TRIO: variants seen among roughly 807,000 people sequenced by gnomAD.
TRIO encodes the protein triple functional domain protein.
A neutral mutation model predicts 351.9 loss-of-function variants in TRIO; 58 were observed. The ratio of observed to expected loss-of-function variants is 0.16; its 90% CI spans 0.13 to 0.21. The LOEUF is 0.21. Among genes scored for constraint, TRIO ranks in the 10% least tolerant of loss-of-function variants. The probability of loss-of-function intolerance (pLI) is 1.00; values close to 1 mark genes in which losing one functional copy is unlikely to be tolerated. For missense variants in TRIO, 3,201 were observed against 4,027.8 expected, an observed-to-expected ratio of 0.79 and a Z score of 5.56; for synonymous variants, 1,758 against 1,595.7, an observed-to-expected ratio of 1.10 and a Z score of -2.42.
intron 1 of TRIO, among the ~76,000 whole-genome samples, chr5:14,166,295 G>A (rs919148082): frequency 4.6e-5 from 7 of 152,144 alleles, no homozygotes; most frequent in South Asian, 4.1e-4. Context: ...TCTCTCAGTC[G>A]TCCCGTCACT....
In TRIO at chr5:14,366,321, T is replaced by G. The variant is rs369082192; in HGVS notation, c.2755-539T>G. On this transcript the variant is annotated intron_variant, in intron 15 of 56. Coordinates refer to ENST00000344204, the MANE Select transcript of TRIO (RefSeq NM_007118.4). ...ACTGTTAGAATTTACTTCCTCTGAG[T>G]GTGTGTGCAGTTGAGAAGCTCATGG... Among the ~76,000 whole-genome samples the G allele has an allele frequency of 1.1e-4, 17 of 152,152 alleles. No individual in the cohort carries two copies. In the South Asian group the frequency reaches 3.1e-3, roughly 28 times the overall value.
chr5:14,441,003 C>CGG (rs776828182), intron 34 of TRIO: 22 of 151,276 alleles, frequency 1.5e-4, no homozygotes, highest in African/African-American at 5.1e-4. Flanking sequence ...CCAACTGCAG[C>CGG]GCGCGCGCGC....
At chr5:14,219,519 C>T (rs1211491957) in intron 1 of TRIO, among the ~76,000 whole-genome samples, 1 of 152,180 alleles carries the variant, frequency 6.6e-6, no homozygotes, top group African/African-American at 2.4e-5. Flanking sequence ...TGTTTCTGGC[C>T]GGAGTCATAG....
intron 21 of TRIO, among the ~76,000 whole-genome samples, chr5:14,384,572 G>A (rs947959227): frequency 6.6e-6 from 1 of 151,504 alleles, no homozygotes; most frequent in African/African-American, 2.4e-5. Flanking sequence ...GTTTTCCAAG[G>A]TAAATGGCTT....
In TRIO at chr5:14,279,799, T is replaced by C. The variant is rs137998438; in HGVS notation, c.233-523T>C. ...GTTCTGTGTGAGAGACTGGCAAAGC[T>C]GGACCAGTGAGGGTCAGGTGCCATC... On this transcript the variant is annotated intron_variant, in intron 2 of 56. Coordinates refer to ENST00000344204, the MANE Select transcript of TRIO (RefSeq NM_007118.4). Among the ~76,000 whole-genome samples the C allele has an allele frequency of 5.6e-4, 86 of 152,384 alleles. 1 individual carries two copies. Among genetic ancestry groups the C allele is most frequent in the Middle Eastern group, 3.4e-3 (1 of 294 alleles).
chr5:14,496,960 G>T lies in TRIO; in HGVS notation c.7962G>T (p.Lys2654Asn). The T allele has an allele frequency of 6.2e-7, 1 of 1,614,250 alleles. No individual in the cohort carries two copies. The highest frequency in any genetic ancestry group is 8.5e-7 in the Non-Finnish European group (1 of 1,180,040). ...KKDKDGKREG[K>N]LENGYRKSRE... ...ATAAAGACGGCAAAAGGGAAGGCAA[G>T]TTAGAGAACGGTTATCGGAAGTCAC... The change falls in exon 50 of 57, where the codon AAG (lysine) becomes AAT (asparagine). Residue 2654 changes from lysine (K) to asparagine (N), a missense_variant. Lys to Asn is a moderately conservative substitution (Grantham distance 94, BLOSUM62 0). Around this residue, in one of 19 missense-constraint regions of TRIO, gnomAD observed 1,089 missense variants for 954.9 expected, o/e 1.14. Coordinates refer to ENST00000344204, the MANE Select transcript of TRIO (RefSeq NM_007118.4).
intron 1 of TRIO, among the ~76,000 whole-genome samples, chr5:14,218,402 T>C (rs1341393790): frequency 6.6e-6 from 1 of 152,244 alleles, no homozygotes; most frequent in African/African-American, 2.4e-5. Context: ...CCAATGTTTA[T>C]GTCATTTAAT....
Position 14,476,981 on chromosome 5 carries a change from G to T in TRIO, c.6153+18G>T. The T allele has an allele frequency of 6.2e-7, 1 of 1,606,772 alleles. No individual in the cohort carries two copies. Among genetic ancestry groups the T allele is most frequent in the Non-Finnish European group, 8.5e-7 (1 of 1,174,706 alleles). On this transcript the variant is annotated intron_variant, in intron 41 of 56. Coordinates refer to ENST00000344204, the MANE Select transcript of TRIO (RefSeq NM_007118.4). The stretch of plus-strand genomic sequence containing the variant: ...TTAAACACGTAAGCACAATAGCATT[G>T]CTTATATCCTGTTCTGATGGTGTCA...
At chr5:14,169,007 C>G (rs1421492238) in intron 1 of TRIO, among the ~76,000 whole-genome samples, 1 of 152,142 alleles carries the variant, frequency 6.6e-6, no homozygotes, top group Non-Finnish European at 1.5e-5. Flanking sequence ...CACATGGAGC[C>G]TCTACTTAGG....
intron 6 of TRIO, among the ~76,000 whole-genome samples, chr5:14,294,018 AAAAATAAT>A (rs947048912): frequency 1.4e-4 from 9 of 66,168 alleles, no homozygotes; most frequent in African/African-American, 5.4e-4. Context: ...TCTAAAAAAA[AAAAATAAT>A]AATTAAAAAA....
rs1388927052 is a variant in TRIO at position 14,458,605 on chromosome 5, A to G, written c.5204-2414A>G. 2.0e-5 allele frequency among the ~76,000 whole-genome samples: 3 copies of G among 152,242 alleles called. No individual in the cohort carries two copies. The East Asian group carries it at 5.8e-4, about 29-fold the overall frequency. ...GTGTTCATTATCTCTGTCCAGTGGGAAATCGGGGGCTTGGCTCCAAGTCAC... is the reference window on the plus strand; with the variant it reads ...GTGTTCATTATCTCTGTCCAGTGGGGAATCGGGGGCTTGGCTCCAAGTCAC... On this transcript the variant is annotated intron_variant, in intron 34 of 56. Transcript: ENST00000344204.
Position 14,497,745 on chromosome 5 carries a change from G to C in TRIO, c.8020-102G>C. The C allele has an allele frequency of 6.7e-7, 1 of 1,499,954 alleles. No homozygotes were observed. Among genetic ancestry groups the C allele is most frequent in the Non-Finnish European group, 9.3e-7 (1 of 1,078,196 alleles). 92.9% of individuals were successfully genotyped at this position (1,499,954 alleles called of 1,614,324 possible). On this transcript the variant is annotated intron_variant, in intron 50 of 56. Coordinates refer to ENST00000344204, the MANE Select transcript of TRIO (RefSeq NM_007118.4). This position sits in a 1 kb window ranked among gnomAD's most constrained non-coding sequence, Gnocchi z 4.4. ...TTTTGATTGATGCCCAGGCAAGTCA[G>C]TTTCTGCAAATCTTTCAACAATAAT...
At chr5:14,200,370 TTGTC>T (rs1477658930) in intron 1 of TRIO, among the ~76,000 whole-genome samples, 2 of 152,196 alleles carry the variant, frequency 1.3e-5, no homozygotes, top group African/African-American at 4.8e-5. Context: ...ATCCTGTCCT[TTGTC>T]TGTAATTGCG....
chr5:14,402,496 G>A (rs991488646), intron 31 of TRIO, among the ~76,000 whole-genome samples: 1 of 152,168 alleles, frequency 6.6e-6, no homozygotes, highest in Non-Finnish European at 1.5e-5. Context: ...AGAGGCAGGC[G>A]ATGGTGATGG....
intron 14 of TRIO, among the ~76,000 whole-genome samples, chr5:14,364,231 A>AT (rs941544307): frequency 3.3e-5 from 5 of 152,114 alleles, no homozygotes; most frequent in African/African-American, 1.2e-4. Context: ...CACATTCTTT[A>AT]TTTTTTTAGT....
At position 14,280,356 on chromosome 5, in the gene TRIO, G is replaced by A. The variant is rs773679230; in HGVS notation, c.267G>A (p.Thr89=). Residue 89 remains threonine, a synonymous_variant, in exon 3 of 57, where the codon ACG becomes ACA. Transcript: ENST00000344204. The part of the protein sequence containing the change: ...GRDKRGGPIL[T]FPARSNHDRI... ...ATAAACGTGGAGGTCCCATTTTAACGTTTCCGGCCCGCAGCAATCATGACA... is the reference window on the plus strand; with the variant it reads ...ATAAACGTGGAGGTCCCATTTTAACATTTCCGGCCCGCAGCAATCATGACA... 4.3e-6 allele frequency: 7 copies of A among 1,613,946 alleles called. No homozygotes were observed. Among genetic ancestry groups the A allele is most frequent in the Middle Eastern group, 1.6e-4 (1 of 6,084 alleles).
intron 35 of TRIO, 111 bp downstream of exon 35, chr5:14,461,422 T>G (rs1232673912): frequency 1.5e-6 from 2 of 1,356,410 alleles, no homozygotes; most frequent in Non-Finnish European, 1.9e-6. Flanking sequence ...TTTTCCGCAC[T>G]TACTCAGAAA....
intron 2 of TRIO, among the ~76,000 whole-genome samples, chr5:14,275,868 A>G (rs113636580): frequency 0.022 from 2,661 of 123,520 alleles, 57 homozygotes; most frequent in African/African-American, 0.061. Context: ...CTATGTGTGT[A>G]TATATATATA....
chr5:14,441,802 C>T (rs1752073735), intron 34 of TRIO, among the ~76,000 whole-genome samples: 1 of 152,146 alleles, frequency 6.6e-6, no homozygotes, highest in African/African-American at 2.4e-5. Context: ...CTCTGGCTCT[C>T]CATGAGAACT....
Sources: allele counts gnomAD v4.1 joint callset (sites outside exome capture counted in the v4.1 genomes callset), GRCh38; gene constraint gnomAD v4.1.1; regional missense constraint gnomAD v4.1.1; non-coding constraint Gnocchi (gnomAD v3.1); transcripts MANE v1.5; gene names NCBI Gene and HGNC (gene_info 2026-07-23, HGNC 2026-07-21).